The following SCAPER variants were observed in gnomAD, a reference collection of about 807,000 sequenced individuals.
SCAPER encodes the protein S phase cyclin A-associated protein in the endoplasmic reticulum.
Under a neutral mutation model 182.2 loss-of-function variants are expected in SCAPER, and 98 were observed. That is an observed-to-expected ratio of 0.54 (90% confidence interval 0.46 to 0.64). The LOEUF (loss-of-function observed/expected upper bound fraction) is 0.64, where lower values mean the gene tolerates loss of function less well. Ranked by LOEUF, SCAPER falls within the 30% of genes least tolerant of loss-of-function variation. The pLI is 0.00. For missense variants in SCAPER, 1,432 were observed against 1,690.0 expected (o/e 0.85, Z 2.68); for synonymous variants, 605 against 564.6 (o/e 1.07, Z -1.01).
intron 25 of SCAPER, among the ~76,000 whole-genome samples, chr15:76,441,893 C>T (rs2047634778): frequency 1.3e-5 from 2 of 152,118 alleles, no homozygotes; most frequent in African/African-American, 4.8e-5. Flanking sequence ...CCAGTGCCTA[C>T]ACAACATCAG....
chr15:76,852,669 T>C (rs536027023), intron 4 of SCAPER, among the ~76,000 whole-genome samples: 130 of 152,224 alleles, frequency 8.5e-4, no homozygotes, highest in Non-Finnish European at 1.6e-3. Flanking sequence ...CATACCAGAA[T>C]CTCTGGGATC....
At position 76,483,354 on chromosome 15, in the gene SCAPER, G is replaced by A. The variant is rs537409838; in HGVS notation, c.2955-12019C>T. On this transcript the variant is annotated intron_variant, in intron 24 of 31. Transcript: ENST00000563290. Reference sequence around the variant, plus strand: ...ATATTTTTCACAAAAGTTAATTCAAGATGGATTATATACCTAAATGTAAAT... The same window carrying A: ...ATATTTTTCACAAAAGTTAATTCAAAATGGATTATATACCTAAATGTAAAT... Among the ~76,000 whole-genome samples the A allele has an allele frequency of 8.1e-5, 12 of 147,976 alleles. No individual in the cohort carries two copies. The East Asian group carries it at 2.3e-3, about 29-fold the overall frequency.
At chr15:76,615,727 G>A (rs1187519230) in intron 22 of SCAPER, among the ~76,000 whole-genome samples, 2 of 151,234 alleles carry the variant, frequency 1.3e-5, no homozygotes, top group African/African-American at 2.4e-5. Flanking sequence ...GGCAGAGGCA[G>A]GAGAATTACT....
intron 21 of SCAPER, among the ~76,000 whole-genome samples, chr15:76,644,754 T>C (rs1048607767): frequency 6.6e-6 from 1 of 152,098 alleles, no homozygotes; most frequent in African/African-American, 2.4e-5. Flanking sequence ...TCTACTTTAT[T>C]TTTTTATACA....
intron 21 of SCAPER, among the ~76,000 whole-genome samples, chr15:76,660,458 A>G (rs1320288888): frequency 2.0e-5 from 3 of 152,182 alleles, no homozygotes; most frequent in Admixed American, 6.5e-5. Context: ...GGGGGAAAAA[A>G]AGGCATACAC....
At chr15:76,408,569 C>A (rs940222412) in intron 26 of SCAPER, among the ~76,000 whole-genome samples, 1 of 151,940 alleles carries the variant, frequency 6.6e-6, no homozygotes, top group East Asian at 1.9e-4. Context: ...TACATAGCCA[C>A]GTTATATTCA....
intron 21 of SCAPER, among the ~76,000 whole-genome samples, chr15:76,630,307 G>A (rs1017067991): frequency 1.3e-5 from 2 of 151,984 alleles, no homozygotes; most frequent in East Asian, 1.9e-4. Flanking sequence ...CTTCAGTTCT[G>A]CTCTGAGCTT....
chr15:76,713,217 G>A (rs1245371415), intron 17 of SCAPER, among the ~76,000 whole-genome samples: 1 of 152,052 alleles, frequency 6.6e-6, no homozygotes, highest in Non-Finnish European at 1.5e-5. Context: ...GGAAGTCAGT[G>A]TGGCGATTCC....
chr15:76,806,017 C>T (rs920377610), intron 5 of SCAPER, among the ~76,000 whole-genome samples: 2 of 152,106 alleles, frequency 1.3e-5, no homozygotes, highest in Admixed American at 1.3e-4. Context: ...ACATCTTGTC[C>T]CATTATGTGG....
Position 76,373,295 on chromosome 15 carries a change from G to A in SCAPER, c.3855+2867C>T, listed in dbSNP as rs190478458. ...ACTCCTGACCTCAGGTGATCCACTC[G>A]TCTCGGCCTCCCAAAGTGCTGGGAT... On this transcript the variant is annotated intron_variant, in intron 29 of 31. Transcript: ENST00000563290. Among the ~76,000 whole-genome samples, 5 of 152,192 alleles carry A rather than the reference G, an allele frequency of 3.3e-5. No individual in the cohort carries two copies. In the East Asian group the frequency reaches 7.7e-4, roughly 23 times the overall value.
intron 21 of SCAPER, among the ~76,000 whole-genome samples, chr15:76,626,456 C>A (rs1032195603): frequency 1.3e-5 from 2 of 152,208 alleles, no homozygotes; most frequent in Admixed American, 1.3e-4. Flanking sequence ...GTGGCTCACG[C>A]CTGTAATCCT....
intron 1 of SCAPER, among the ~76,000 whole-genome samples, chr15:76,901,564 T>G (rs961229677): frequency 6.6e-6 from 1 of 152,230 alleles, no homozygotes; most frequent in African/African-American, 2.4e-5. Context: ...TGAAATAGAT[T>G]GATACATAGC....
chr15:76,744,856 A>C (rs2061714013), intron 15 of SCAPER, among the ~76,000 whole-genome samples: 1 of 152,192 alleles, frequency 6.6e-6, no homozygotes, highest in Non-Finnish European at 1.5e-5. Flanking sequence ...CATGCTATTC[A>C]CAATAGCAAA....
At chr15:76,665,912 C>T (rs1279879080) in intron 20 of SCAPER, 123 bp from the exon 21 acceptor site, 3 of 799,950 alleles carry the variant, frequency 3.8e-6, no homozygotes, top group South Asian at 6.6e-5. Flanking sequence ...CCGTAATACA[C>T]TGGTTTCTAC....
chr15:76,584,097 T>C (rs2048458375), intron 22 of SCAPER, among the ~76,000 whole-genome samples: 1 of 152,098 alleles, frequency 6.6e-6, no homozygotes, highest in Non-Finnish European at 1.5e-5. Context: ...TAAAAAGGAA[T>C]GAGATCTTGT....
chr15:76,476,826 A>G lies in SCAPER; in HGVS notation c.2955-5491T>C, dbSNP rs542937143. The stretch of plus-strand genomic sequence containing the variant: ...AAATACTTAAACTGAGAAATACTGC[A>G]TAGTCTTTAAAAGCTAAATAGTTTC... On this transcript the variant is annotated intron_variant, in intron 24 of 31. Coordinates refer to ENST00000563290, the MANE Select transcript of SCAPER (RefSeq NM_020843.4). Among the ~76,000 whole-genome samples, 10 of 152,216 alleles carry G rather than the reference A, an allele frequency of 6.6e-5. 1 individual carries two copies. In the South Asian group the frequency reaches 2.1e-3, roughly 32 times the overall value.
intron 22 of SCAPER, among the ~76,000 whole-genome samples, chr15:76,604,093 C>T (rs1334052996): frequency 1.7e-5 from 2 of 119,638 alleles, no homozygotes; most frequent in Non-Finnish European, 4.1e-5. Flanking sequence ...ACATGAAGTC[C>T]TTGCCCATGC....
chr15:76,789,693 G>C (rs1016791004), intron 8 of SCAPER, among the ~76,000 whole-genome samples: 8 of 152,166 alleles, frequency 5.3e-5, no homozygotes, highest in African/African-American at 1.9e-4. Flanking sequence ...CAATTAAACT[G>C]TCAGAGAACT....
At chr15:76,560,206 G>T in intron 23 of SCAPER, among the ~76,000 whole-genome samples, 2 of 152,074 alleles carry the variant, frequency 1.3e-5, no homozygotes, top group South Asian at 4.2e-4. Flanking sequence ...CTCTAATCTT[G>T]GAAATGGAAT....
Sources: allele counts gnomAD v4.1 joint callset (sites outside exome capture counted in the v4.1 genomes callset), GRCh38; gene constraint gnomAD v4.1.1; transcripts MANE v1.5; gene names NCBI Gene and HGNC (gene_info 2026-07-23, HGNC 2026-07-21).